Variants in UBASH3A observed in about 807,000 individuals in gnomAD.
The protein encoded by UBASH3A is ubiquitin associated and SH3 domain containing A.
A neutral mutation model predicts 73.5 loss-of-function variants in UBASH3A; 63 were observed. The ratio of observed to expected loss-of-function variants is 0.86; its 90% CI spans 0.70 to 1.06. UBASH3A has a LOEUF of 1.06. Ranked by LOEUF, UBASH3A falls within the 50% of genes least tolerant of loss-of-function variation. UBASH3A has a pLI of 0.00. For synonymous variants in UBASH3A, 363 were observed against 351.1 expected (o/e 1.03, Z -0.38); for missense variants, 860 against 859.0 (o/e 1.00, Z -0.02).
At chr21:42,435,095 G>A (rs1264730558) in intron 10 of UBASH3A, 141 bp downstream of exon 10, 4 of 1,112,454 alleles carry the variant, frequency 3.6e-6, no homozygotes, top group East Asian at 2.6e-5. Flanking sequence ...GGAGGCTGGG[G>A]CACAGAGAGG....
At chr21:42,435,080 G>A in intron 10 of UBASH3A, 126 bp downstream of exon 10, 1 of 1,234,926 alleles carries the variant, frequency 8.1e-7, no homozygotes, top group Non-Finnish European at 1.1e-6. Flanking sequence ...TCTCCAGTCT[G>A]CTGAGGAGGC....
At chr21:42,418,663 A>G (rs79153251) in intron 7 of UBASH3A, 54 bp downstream of exon 7, 2 of 1,527,886 alleles carry the variant, frequency 1.3e-6, no homozygotes, top group Non-Finnish European at 1.8e-6. Context: ...TTACTGTGTG[A>G]GAGTGCCCAC....
At chr21:42,443,922 C>T (rs895204630) in intron 13 of UBASH3A, among the ~76,000 whole-genome samples, 4 of 152,178 alleles carry the variant, frequency 2.6e-5, no homozygotes, top group African/African-American at 7.2e-5. Flanking sequence ...AGTCAGCTTC[C>T]TGGGAAACAA....
At position 42,409,590 on chromosome 21, in the gene UBASH3A, ACT is replaced by A; in HGVS notation, c.339_340del (p.Cys114Ter). The A allele has an allele frequency of 1.2e-6, 2 of 1,610,462 alleles. No individual in the cohort carries two copies. The highest frequency in any genetic ancestry group is 1.7e-6 in the Non-Finnish European group (2 of 1,178,652). On this transcript the variant is annotated frameshift_variant, in exon 3 of 15. Transcript: ENST00000319294. LOFTEE classifies it high-confidence loss of function. ...RAHEVFPHVT[L>X]CDFFTCEDQK... ...CTCATGAGGTCTTCCCACACGTGAC[ACT>A]CTGTGACTTCTTCACGGTGAGTCAA...
chr21:42,443,800 C>G (rs1448289273), intron 13 of UBASH3A, among the ~76,000 whole-genome samples: 1 of 152,050 alleles, frequency 6.6e-6, no homozygotes, highest in East Asian at 1.9e-4. Context: ...ACCGGGTGCA[C>G]AGACACACAC....
At chr21:42,423,442 A>G (rs1292148385) in intron 7 of UBASH3A, among the ~76,000 whole-genome samples, 1 of 152,208 alleles carries the variant, frequency 6.6e-6, no homozygotes, top group Non-Finnish European at 1.5e-5. Flanking sequence ...TTGCAAGCTC[A>G]GTTCACCACC....
chr21:42,440,144 C>A (rs2053714490), intron 11 of UBASH3A, among the ~76,000 whole-genome samples: 1 of 152,204 alleles, frequency 6.6e-6, no homozygotes, highest in Non-Finnish European at 1.5e-5. Flanking sequence ...TGACAGGGTC[C>A]CGCGATGTCC....
At chr21:42,409,389 C>A in intron 2 of UBASH3A, 33 bp from the exon 3 acceptor site, 3 of 1,514,740 alleles carry the variant, frequency 2.0e-6, no homozygotes, top group South Asian at 2.6e-5. Context: ...TTTGTTGTGA[C>A]AGTGGGTGAT....
rs769697248 is a variant in UBASH3A, at chr21:42,416,523, A to C, written c.749A>C (p.Glu250Ala). The C allele has an allele frequency of 7.4e-6, 12 of 1,612,034 alleles. No individual in the cohort carries two copies. Among genetic ancestry groups the C allele is most frequent in the Non-Finnish European group, 9.3e-6 (11 of 1,179,250 alleles). ...TACCCCCACCACCAGAGGACGCTGG[A>C]GCAGCTGGCCAGAGCCATCCCCCTG... ...KFYPHHQRTL[E>A]QLARAIPLGH... Residue 250 changes from glutamate (E) to alanine (A), a missense_variant, in exon 6 of 15, where the codon GAG (glutamate) becomes GCG (alanine). Glu to Ala is a moderately radical substitution (Grantham distance 107). Coordinates refer to ENST00000319294, the MANE Select transcript of UBASH3A (RefSeq NM_018961.4).
chr21:42,418,456 G>A lies in UBASH3A; in HGVS notation c.893G>A (p.Ser298Asn). 4 of 1,614,256 alleles carry A rather than the reference G, an allele frequency of 2.5e-6. No individual in the cohort carries two copies. Among genetic ancestry groups the A allele is most frequent in the Admixed American group, 1.7e-5 (1 of 60,032 alleles). Residue 298 changes from serine to asparagine, a missense_variant, in exon 7 of 15, where the codon AGT becomes AAT. By Grantham distance (46) the Ser-to-Asn change is conservative (BLOSUM62 1). Coordinates refer to ENST00000319294, the MANE Select transcript of UBASH3A (RefSeq NM_018961.4). ...CAGAACGTGGATGAGCTGACGCTAA[G>A]TCCTGGTGACTACATCTTTGTGGAC... ...KPQNVDELTL[S>N]PGDYIFVDPT...
At chr21:42,407,097 G>A (rs2052992602) in intron 2 of UBASH3A, among the ~76,000 whole-genome samples, 1 of 152,264 alleles carries the variant, frequency 6.6e-6, no homozygotes, top group African/African-American at 2.4e-5. Flanking sequence ...CCAGCTGCGT[G>A]AGTGATTCTT....
rs1401205225 is a variant in UBASH3A, at chr21:42,409,484, T to C, written c.230T>C (p.Phe77Ser). 6.2e-7 allele frequency: 1 copy of C among 1,614,126 alleles called. No individual in the cohort carries two copies. Among genetic ancestry groups the C allele is most frequent in the Non-Finnish European group, 8.5e-7 (1 of 1,180,018 alleles). The stretch of plus-strand genomic sequence containing the variant: ...CCCATCCCCCAGGAGTATGCCCTTT[T>C]CCTCTGTCCAACGGGGCCCCTGCTG... Reference protein sequence around the residue: ...DDPIPQEYALFLCPTGPLLEK... With the variant: ...DDPIPQEYALSLCPTGPLLEK... Residue 77 changes from phenylalanine (F) to serine (S), a missense_variant, in exon 3 of 15, where the codon TTC becomes TCC. Physicochemically the swap from Phe to Ser is radical, Grantham distance 155. Transcript: ENST00000319294.
intron 6 of UBASH3A, among the ~76,000 whole-genome samples, chr21:42,416,972 A>G (rs1291158036): frequency 6.6e-6 from 1 of 152,050 alleles, no homozygotes; most frequent in African/African-American, 2.4e-5. Context: ...ACCTGACAGC[A>G]TGTACCCCCT....
intron 1 of UBASH3A, among the ~76,000 whole-genome samples, chr21:42,405,653 G>A (rs1473613838): frequency 6.6e-6 from 1 of 152,150 alleles, no homozygotes; most frequent in Admixed American, 6.5e-5. Flanking sequence ...CTGCATTCCT[G>A]ATAAATTACC....
At chr21:42,433,683 G>A (rs1178867297) in intron 9 of UBASH3A, among the ~76,000 whole-genome samples, 1 of 152,192 alleles carries the variant, frequency 6.6e-6, no homozygotes, top group Non-Finnish European at 1.5e-5. Context: ...TGTTGGCATT[G>A]AATAAACACC....
In UBASH3A at chr21:42,409,411, C is replaced by T. The variant is rs775095863; in HGVS notation, c.168-11C>T. On this transcript the variant is annotated splice_polypyrimidine_tract_variant and intron_variant, in intron 2 of 14. Coordinates refer to ENST00000319294, the MANE Select transcript of UBASH3A (RefSeq NM_018961.4). ...TGACAGTGGGTGATGCCGGCTTGCT[C>T]TCTGTTGCAGGCTGCATGATCATTG... 1.0e-5 allele frequency: 16 copies of T among 1,543,220 alleles called. No individual in the cohort carries two copies. The highest frequency in any genetic ancestry group is 1.4e-5 in the Non-Finnish European group (16 of 1,145,844).
At chr21:42,406,409 C>T (rs1199688015) in intron 2 of UBASH3A, 48 bp downstream of exon 2, 10 of 1,529,414 alleles carry the variant, frequency 6.5e-6, no homozygotes, top group African/African-American at 1.4e-5. Flanking sequence ...GGCTGAATTC[C>T]CTGTGCCTAA....
chr21:42,417,878 C>CTTTTTTTTTTTTTTTTTTT (rs796939696), intron 6 of UBASH3A, among the ~76,000 whole-genome samples: 197 of 90,586 alleles, frequency 2.2e-3, no homozygotes, highest in Non-Finnish European at 2.7e-3. Flanking sequence ...TTCTTTTTTT[C>CTTTTTTTTTTTTTTTTTTT]TTTTTTTTTT....
intron 3 of UBASH3A, among the ~76,000 whole-genome samples, chr21:42,412,263 C>T (rs3788011): frequency 0.11 from 17,112 of 152,132 alleles, 1,065 homozygotes; most frequent in East Asian, 0.2. Context: ...CAGCACCTGT[C>T]GGGCTCCGTG....
Sources: gnomAD v4.1 joint callset for allele counts (sites outside exome capture counted in the v4.1 genomes callset) on GRCh38, gnomAD v4.1.1 for gene constraint, MANE v1.5 for transcripts, NCBI Gene and HGNC (gene_info 2026-07-23, HGNC 2026-07-21) for gene names.